The following TFIP11 variants were observed in gnomAD, a reference collection of about 807,000 sequenced individuals.
TFIP11 encodes tuftelin interacting protein 11.
A neutral mutation model predicts 96.8 loss-of-function variants in TFIP11; 86 were observed. That is an observed-to-expected ratio of 0.89 (90% CI 0.75 to 1.06). The LOEUF is 1.06. Among genes scored for constraint, TFIP11 ranks in the 50% least tolerant of loss-of-function variants. The probability of loss-of-function intolerance (pLI) is 0.00; values close to 1 mark genes in which losing one functional copy is unlikely to be tolerated. For missense variants in TFIP11, 881 were observed against 1,076.7 expected (o/e 0.82, Z 2.54); for synonymous variants, 405 against 395.2 (o/e 1.02, Z -0.29).
In TFIP11 at chr22:26,500,544, A is replaced by G. The variant is rs772056511; in HGVS notation, c.802-913T>C. Among the ~76,000 whole-genome samples, 9 of 152,220 alleles carry G rather than the reference A, an allele frequency of 5.9e-5. 1 individual carries two copies. Among genetic ancestry groups the G allele is most frequent in the Non-Finnish European group, 1.0e-4 (7 of 68,034 alleles). On this transcript the variant is annotated intron_variant, in intron 8 of 14. Coordinates refer to ENST00000407690, the MANE Select transcript of TFIP11 (RefSeq NM_012143.4). ...CAACCTAGACAATGAGCTAATTCCAATATTTTAGGAAAACAGGAAATGTGA... is the reference window on the plus strand; with the variant it reads ...CAACCTAGACAATGAGCTAATTCCAGTATTTTAGGAAAACAGGAAATGTGA...
chr22:26,496,712 T>C lies in TFIP11; in HGVS notation c.1605+9A>G. ...TGATGACGACTGTTTCCCATGACTC[T>C]CATCCCACCTCCTTTTGCAGCTTGG... On this transcript the variant is annotated intron_variant, in intron 11 of 14. Transcript: ENST00000407690. 6.2e-7 allele frequency: 1 copy of C among 1,613,018 alleles called. No homozygotes were observed. Among genetic ancestry groups the C allele is most frequent in the Non-Finnish European group, 8.5e-7 (1 of 1,179,046 alleles).
chr22:26,511,633 T>C (rs1924072341), intron 2 of TFIP11: 1 of 152,222 alleles, frequency 6.6e-6, no homozygotes, highest in African/African-American at 2.4e-5. Context: ...CCAAGCATGG[T>C]GCACTACACA....
chr22:26,506,919 G>A lies in TFIP11; in HGVS notation c.219C>T (p.Asp73=). 3.7e-6 allele frequency: 6 copies of A among 1,614,108 alleles called. No homozygotes were observed. Among genetic ancestry groups the A allele is most frequent in the Non-Finnish European group, 5.1e-6 (6 of 1,179,978 alleles). Residue 73 remains aspartate (D), a synonymous_variant, in exon 5 of 15, where the codon GAC becomes GAT. Transcript: ENST00000407690. The part of the protein sequence containing the change: ...RPSFGGKRAR[D]YSAPVNFISA... ...TGATGAAGTTGACTGGCGCAGAGTA[G>A]TCACGGGCCCTGTAGGCACAGAAAC...
chr22:26,501,785 CAAAAAA>C (rs371327421), intron 8 of TFIP11, 109 bp downstream of exon 8: 330 of 261,252 alleles, frequency 1.3e-3, no homozygotes, highest in African/African-American at 5.5e-3. Flanking sequence ...AGCAAGGTAC[CAAAAAA>C]AAAAAAAAAA....
chr22:26,506,659 A>G, intron 5 of TFIP11, 116 bp downstream of exon 5: 1 of 1,425,010 alleles, frequency 7.0e-7, no homozygotes, highest in Non-Finnish European at 9.7e-7. Context: ...CCTGCCACCA[A>G]AAGGAGACAC....
chr22:26,504,056 T>G (rs1923125846), intron 6 of TFIP11, among the ~76,000 whole-genome samples: 2 of 152,176 alleles, frequency 1.3e-5, no homozygotes, highest in African/African-American at 4.8e-5. Flanking sequence ...TTGGATTGTT[T>G]AGTGGACAGG....
chr22:26,496,778 A>G lies in TFIP11; in HGVS notation c.1548T>C (p.Pro516=), dbSNP rs576058274. The G allele has an allele frequency of 1.3e-4, 203 of 1,614,206 alleles. 2 individuals carry two copies. In the South Asian group the frequency reaches 2.1e-3, roughly 17 times the overall value. ...DFLDSWVHII[P]VWILDNILDQ... is the part of the protein sequence containing the mutation. ...CCAGTATGTTATCTAAGATCCACACAGGAATAATGTGCACCCAACTATCCA... is the reference window on the plus strand; with the variant it reads ...CCAGTATGTTATCTAAGATCCACACGGGAATAATGTGCACCCAACTATCCA... The change falls in exon 11 of 15, where the codon CCT becomes CCC. Residue 516 remains proline, a synonymous_variant. Transcript: ENST00000407690.
intron 4 of TFIP11, 78 bp downstream of exon 4, chr22:26,509,986 G>T: frequency 6.8e-7 from 1 of 1,462,624 alleles, no homozygotes; most frequent in South Asian, 1.2e-5. Context: ...ATACTTATCA[G>T]GGTATCTCCT....
chr22:26,495,835 C>G (rs1477249393), intron 12 of TFIP11, among the ~76,000 whole-genome samples: 2 of 152,056 alleles, frequency 1.3e-5, no homozygotes, highest in African/African-American at 4.8e-5. Flanking sequence ...CCACAAGGCA[C>G]AGAGTCCGAT....
Position 26,506,401 on chromosome 22 carries a change from T to C in TFIP11, c.422A>G (p.Asp141Gly). 6.2e-7 allele frequency: 1 copy of C among 1,614,076 alleles called. No individual in the cohort carries two copies. Among genetic ancestry groups the C allele is most frequent in the Non-Finnish European group, 8.5e-7 (1 of 1,179,976 alleles). The part of the protein sequence containing the change: ...GFAGGTKSFM[D>G]FGSWERHTKG... ...TGTGTGTCTTTCCCAGCTGCCGAAG[T>C]CCATGAAAGATTTGGTTCCTCCTGC... is the stretch of plus-strand genomic sequence containing the variant. The change falls in exon 6 of 15, where the codon GAC becomes GGC. Residue 141 changes from aspartate to glycine, a missense_variant. Asp to Gly is a moderately conservative substitution (Grantham distance 94). Transcript: ENST00000407690.
rs771523466 is a variant in TFIP11 at position 26,492,280 on chromosome 22, C to T, written c.2247G>A (p.Gln749=). 1 of 1,614,256 alleles carries T rather than the reference C, an allele frequency of 6.2e-7. No homozygotes were observed. Among genetic ancestry groups the T allele is most frequent in the South Asian group, 1.1e-5 (1 of 91,088 alleles). Residue 749 remains glutamine, a synonymous_variant, in exon 15 of 15, where the codon CAG becomes CAA. Coordinates refer to ENST00000407690, the MANE Select transcript of TFIP11 (RefSeq NM_012143.4). ...RRKDFQYEAM[Q]ERREAENMAQ... The stretch of plus-strand genomic sequence containing the variant: ...CCATGTTCTCAGCCTCCCGCCTCTC[C>T]TGCATGGCCTCGTACTGGAAGTCCT...
rs1161268128 is a variant in TFIP11, at chr22:26,491,329, T to A, written c.*684A>T. The A allele has an allele frequency of 2.2e-5, 18 of 807,234 alleles. No homozygotes were observed. The South Asian group carries it at 3.2e-4, about 14-fold the overall frequency. The allele number at this position is 807,234 out of a possible 1,614,324, so 50.0% of individuals were successfully genotyped here. ...CGCCCAATTCATTGTGCAAAAGCAT[T>A]TAAATCAAAATACCCTATTTGTTAT... On this transcript the variant is annotated 3_prime_UTR_variant, in exon 15 of 15. Coordinates refer to ENST00000407690, the MANE Select transcript of TFIP11 (RefSeq NM_012143.4).
rs569383980 is a variant in TFIP11, at chr22:26,506,572, T to G, written c.364-113A>C. 4.3e-6 allele frequency: 6 copies of G among 1,385,642 alleles called. No homozygotes were observed. In the South Asian group the frequency reaches 8.6e-5, roughly 20 times the overall value. 85.8% of individuals were successfully genotyped at this position (1,385,642 alleles called of 1,614,324 possible). ...AAGTTATACAGCACTATGAAAAGTG[T>G]CATATGAACCAAAAATGTGTGTGAT... On this transcript the variant is annotated intron_variant, in intron 5 of 14. Transcript: ENST00000407690.
chr22:26,502,753 C>T (rs1326587261), intron 7 of TFIP11, among the ~76,000 whole-genome samples: 2 of 152,184 alleles, frequency 1.3e-5, no homozygotes, highest in African/African-American at 4.8e-5. Flanking sequence ...TCAGGCAATA[C>T]TGAGCCCACA....
chr22:26,508,666 G>A (rs1923701001), intron 4 of TFIP11, among the ~76,000 whole-genome samples: 2 of 152,210 alleles, frequency 1.3e-5, no homozygotes, highest in African/African-American at 4.8e-5. Flanking sequence ...CCAACATGGT[G>A]AAACCCCGTC....
intron 4 of TFIP11, among the ~76,000 whole-genome samples, chr22:26,508,568 A>AC (rs1350202832): frequency 6.6e-6 from 1 of 152,220 alleles, no homozygotes; most frequent in African/African-American, 2.4e-5. Context: ...AAAAAGGCAC[A>AC]TTCTCAGCTG....
intron 12 of TFIP11, 75 bp downstream of exon 12, chr22:26,495,998 A>T: frequency 6.4e-7 from 1 of 1,552,586 alleles, no homozygotes; most frequent in Non-Finnish European, 8.7e-7. Context: ...GCGATGCTTT[A>T]AATCATCACT....
chr22:26,499,110 G>C lies in TFIP11; in HGVS notation c.1323C>G (p.Pro441=). 6.3e-7 allele frequency: 1 copy of C among 1,589,862 alleles called. No homozygotes were observed. Among genetic ancestry groups the C allele is most frequent in the Non-Finnish European group, 8.6e-7 (1 of 1,164,602 alleles). The part of the protein sequence containing the change: ...LMKEYFKEWD[P]LKDCTYGTEI... ...GATTTTCCCAGCAACTCACTTTGAGGGGATCCCACTCCTTGAAGTACTCCT... is the reference window on the plus strand; with the variant it reads ...GATTTTCCCAGCAACTCACTTTGAGCGGATCCCACTCCTTGAAGTACTCCT... Residue 441 remains proline, a synonymous_variant, in exon 9 of 15, where the codon CCC becomes CCG. Transcript: ENST00000407690.
At chr22:26,501,879 G>C (rs79966567) in intron 8 of TFIP11, 21 bp downstream of exon 8, 52,137 of 1,599,466 alleles carry the variant, frequency 0.033, 958 homozygotes, top group Non-Finnish European at 0.037. Flanking sequence ...TCCTGTACCA[G>C]GTGTCCAAGG....
Sources: gnomAD v4.1 joint callset for allele counts (sites outside exome capture counted in the v4.1 genomes callset) on GRCh38, gnomAD v4.1.1 for gene constraint, MANE v1.5 for transcripts, NCBI Gene and HGNC (gene_info 2026-07-23, HGNC 2026-07-21) for gene names.